The following BEGAIN variants were observed in gnomAD, a reference collection of about 807,000 sequenced individuals.
BEGAIN encodes brain enriched guanylate kinase associated, also known as brain-enriched guanylate kinase-associated protein.
In BEGAIN, 19 loss-of-function variants were observed where a neutral mutation model predicts 35.8. That is an observed-to-expected ratio of 0.53 (90% CI 0.37 to 0.78). The LOEUF is 0.78. BEGAIN is among the 30% of genes least tolerant of loss of function. The probability of loss-of-function intolerance (pLI) is 0.00; values close to 1 mark genes in which losing one functional copy is unlikely to be tolerated. For synonymous variants in BEGAIN, 462 were observed against 388.6 expected (o/e 1.19, Z -2.22); for missense variants, 795 against 853.6 (o/e 0.93, Z 0.85).
At position 100,538,788 on chromosome 14, in the gene BEGAIN, C is replaced by A; in HGVS notation, c.1020G>T (p.Ser340=). ...GGCTGTTCAGGTAGATGGCCTGCTG[C>A]GACGCGGTCAGCGTGCTGGCCTGCG... is the stretch of plus-strand genomic sequence containing the variant. ...EHAQASTLTA[S]QQAIYLNSRD... The change falls in exon 7 of 7, where the codon TCG becomes TCT. Residue 340 remains serine (S), a synonymous_variant. Coordinates refer to ENST00000554140, the MANE Select transcript of BEGAIN (RefSeq NM_001385089.1). 6.3e-7 allele frequency: 1 copy of A among 1,595,266 alleles called. No individual in the cohort carries two copies. The highest frequency in any genetic ancestry group is 8.5e-7 in the Non-Finnish European group (1 of 1,172,768).
chr14:100,550,590 G>A (rs554791105), intron 2 of BEGAIN: 6 of 398,348 alleles, frequency 1.5e-5, no homozygotes, highest in Admixed American at 4.4e-5. Context: ...ACCATCAGGG[G>A]CACAGCCACA....
At chr14:100,570,961 G>A (rs1207139181) in intron 1 of BEGAIN, among the ~76,000 whole-genome samples, 4 of 152,168 alleles carry the variant, frequency 2.6e-5, no homozygotes, top group South Asian at 2.1e-4. Flanking sequence ...GTGGGTGGGG[G>A]CCATGAGGAT....
intron 2 of BEGAIN, chr14:100,548,490 C>T (rs1020740785): frequency 2.0e-5 from 3 of 152,618 alleles, no homozygotes; most frequent in African/African-American, 7.2e-5. Context: ...CCACCTCAGC[C>T]CCGAGTCCTC....
intron 2 of BEGAIN, among the ~76,000 whole-genome samples, chr14:100,560,796 T>C (rs11160593): frequency 0.96 from 146,547 of 152,272 alleles, 70,782 homozygotes; most frequent in Non-Finnish European, 1. Context: ...GCATCCCCTG[T>C]CCCATCTCCT....
intron 1 of BEGAIN, among the ~76,000 whole-genome samples, chr14:100,582,194 G>A (rs2035332291): frequency 6.6e-6 from 1 of 152,132 alleles, no homozygotes; most frequent in Non-Finnish European, 1.5e-5. Flanking sequence ...TGCCAGGCTA[G>A]AGTGCAGTGG....
intron 2 of BEGAIN, among the ~76,000 whole-genome samples, chr14:100,559,943 G>A (rs2034090532): frequency 6.6e-6 from 1 of 152,242 alleles, no homozygotes; most frequent in African/African-American, 2.4e-5. Context: ...GGTCACTGGT[G>A]GCATCTGCCC....
rs2035447231 is a variant in BEGAIN at position 100,586,467 on chromosome 14, C to G, written c.42+782G>C. 6.6e-6 allele frequency among the ~76,000 whole-genome samples: 1 copy of G among 152,174 alleles called. No individual in the cohort carries two copies. Among genetic ancestry groups the G allele is most frequent in the Admixed American group, 6.5e-5 (1 of 15,282 alleles). On this transcript the variant is annotated intron_variant, in intron 1 of 6. Transcript: ENST00000554140. The surrounding 1 kb of genome is among the most constrained non-coding windows in gnomAD (Gnocchi z 4.9). ...GGCTCAGGAGACTCCAGCGCGTCGCCCACGCTGTTCCTGCCCTGAGGAAAC... is the reference window on the plus strand; with the variant it reads ...GGCTCAGGAGACTCCAGCGCGTCGCGCACGCTGTTCCTGCCCTGAGGAAAC...
At position 100,567,838 on chromosome 14, in the gene BEGAIN, C is replaced by A; in HGVS notation, c.71+73G>T. 6 of 1,395,622 alleles carry A rather than the reference C, an allele frequency of 4.3e-6. No individual in the cohort carries two copies. The South Asian group carries it at 6.5e-5, about 15-fold the overall frequency. The allele number at this position is 1,395,622 out of a possible 1,614,324, so 86.5% of individuals were successfully genotyped here. ...GGATGCGCTCGGGTGGAGCCCCCTTCCCCCGCCTTCCCCAGCGCCCTCACC... is the reference window on the plus strand; with the variant it reads ...GGATGCGCTCGGGTGGAGCCCCCTTACCCCGCCTTCCCCAGCGCCCTCACC... On this transcript the variant is annotated intron_variant, in intron 2 of 6. Transcript: ENST00000554140. This position sits in a 1 kb window ranked among gnomAD's most constrained non-coding sequence, Gnocchi z 5.1.
rs1450666526 is a variant in BEGAIN at position 100,571,227 on chromosome 14, C to T, written c.43-3288G>A. On this transcript the variant is annotated intron_variant, in intron 1 of 6. Coordinates refer to ENST00000554140, the MANE Select transcript of BEGAIN (RefSeq NM_001385089.1). ...CCAGCCCAGCAGCCACCTTTATCTT[C>T]TGACCCCTCACAGGAGCCCTGCCTG... is the stretch of plus-strand genomic sequence containing the variant. Among the ~76,000 whole-genome samples the T allele has an allele frequency of 2.0e-5, 3 of 152,206 alleles. No individual in the cohort carries two copies. In the South Asian group the frequency reaches 6.2e-4, roughly 31 times the overall value.
At chr14:100,542,356 C>T (rs1349671250) in intron 5 of BEGAIN, among the ~76,000 whole-genome samples, 1 of 152,270 alleles carries the variant, frequency 6.6e-6, no homozygotes, top group Non-Finnish European at 1.5e-5. Flanking sequence ...CCCCAGCCTA[C>T]TGGCCACTCC....
At chr14:100,574,132 G>A (rs1218000689) in intron 1 of BEGAIN, among the ~76,000 whole-genome samples, 1 of 152,218 alleles carries the variant, frequency 6.6e-6, no homozygotes, top group East Asian at 1.9e-4. Context: ...ACGTGGTGGG[G>A]TTCCCCAGAG....
rs1240027994 is a variant in BEGAIN, at chr14:100,543,872, G to A, written c.394C>T (p.Leu132=). Residue 132 remains leucine, a synonymous_variant, in exon 5 of 7, where the codon CTG becomes TTG. Coordinates refer to ENST00000554140, the MANE Select transcript of BEGAIN (RefSeq NM_001385089.1). ...GCGGCACTCACGTTGTCCTCTGACA[G>A]CTTGTCGATGGTCACCTTGGCTTCT... ...LLEAKVTIDK[L]SEDNELYRKD... is the part of the protein sequence containing the mutation. The A allele has an allele frequency of 3.7e-6, 6 of 1,613,420 alleles. No individual in the cohort carries two copies. The highest frequency in any genetic ancestry group is 5.1e-6 in the Non-Finnish European group (6 of 1,179,734).
rs372596125 is a variant in BEGAIN at position 100,538,002 on chromosome 14, G to A, written c.1806C>T (p.Thr602=). 6.2e-7 allele frequency: 1 copy of A among 1,609,734 alleles called. No individual in the cohort carries two copies. Among genetic ancestry groups the A allele is most frequent in the South Asian group, 1.1e-5 (1 of 90,698 alleles). Residue 602 remains threonine (T), a synonymous_variant, in exon 7 of 7, where the codon ACC becomes ACT. Transcript: ENST00000554140. ...GSGLSRKDSL[T]KAQLYGTLLN ...GCAAGGTTCCGTAGAGCTGGGCCTT[G>A]GTGAGGCTGTCCTTGCGGCTCAGCC...
In BEGAIN at chr14:100,568,216, G is replaced by A. The variant is rs1195235706; in HGVS notation, c.43-277C>T. ...CGGGGCGAAGAAGGGGCCGGCCCGGGATGGCCCGGCCAGGGGCGATCTCGG... is the reference window on the plus strand; with the variant it reads ...CGGGGCGAAGAAGGGGCCGGCCCGGAATGGCCCGGCCAGGGGCGATCTCGG... On this transcript the variant is annotated intron_variant, in intron 1 of 6. Transcript: ENST00000554140. The surrounding 1 kb of genome is among the most constrained non-coding windows in gnomAD (Gnocchi z 7.5). 3.0e-6 allele frequency: 2 copies of A among 659,078 alleles called. No individual in the cohort carries two copies. Among genetic ancestry groups the A allele is most frequent in the East Asian group, 1.3e-4 (1 of 7,634 alleles). 40.8% of individuals were successfully genotyped at this position (659,078 alleles called of 1,614,324 possible). A position where few individuals can be genotyped will look rare whatever the true frequency, so the allele number is the denominator to read the frequency against.
At position 100,556,562 on chromosome 14, in the gene BEGAIN, C is replaced by G. The variant is rs538490646; in HGVS notation, c.72-9900G>C. Among the ~76,000 whole-genome samples the G allele has an allele frequency of 2.6e-5, 4 of 152,310 alleles. No homozygotes were observed. In the South Asian group the frequency reaches 8.3e-4, roughly 32 times the overall value. ...GAACTTTGGTTCACTCTGTTCACCC[C>G]CTCCAGGAAGGGCTCCCTGACATCC... On this transcript the variant is annotated intron_variant, in intron 2 of 6. Coordinates refer to ENST00000554140, the MANE Select transcript of BEGAIN (RefSeq NM_001385089.1).
At chr14:100,584,922 G>A (rs996726746) in intron 1 of BEGAIN, among the ~76,000 whole-genome samples, 2 of 152,134 alleles carry the variant, frequency 1.3e-5, no homozygotes, top group African/African-American at 4.8e-5. Context: ...CTGTCCCAGG[G>A]ATCCTTACCT....
rs576933277 is a variant in BEGAIN, at chr14:100,568,621, C to G, written c.43-682G>C. 454 of 889,588 alleles carry G rather than the reference C, an allele frequency of 5.1e-4. 4 individuals carry two copies. In the South Asian group the frequency reaches 6.7e-3, roughly 13 times the overall value. 55.1% of individuals were successfully genotyped at this position (889,588 alleles called of 1,614,324 possible). ...CTTGCGCAGACCCGCCCGCGCGCGGCTTGGAGACCCTCCCTGCCCAGCCCC... is the reference window on the plus strand; with the variant it reads ...CTTGCGCAGACCCGCCCGCGCGCGGGTTGGAGACCCTCCCTGCCCAGCCCC... On this transcript the variant is annotated intron_variant, in intron 1 of 6. Transcript: ENST00000554140. This position sits in a 1 kb window ranked among gnomAD's most constrained non-coding sequence, Gnocchi z 7.5.
intron 2 of BEGAIN, chr14:100,549,066 TC>T: frequency 6.6e-6 from 1 of 152,370 alleles, no homozygotes; most frequent in South Asian, 2.1e-4. Flanking sequence ...ACGCACCCCG[TC>T]CCCAGGCATA....
At chr14:100,561,874 C>T (rs551525392) in intron 2 of BEGAIN, among the ~76,000 whole-genome samples, 24 of 152,060 alleles carry the variant, frequency 1.6e-4, no homozygotes, top group Admixed American at 3.9e-4. Flanking sequence ...GACAAAGGCA[C>T]CCTGGCCCCA....
Sources: allele counts gnomAD v4.1 joint callset (sites outside exome capture counted in the v4.1 genomes callset), GRCh38; gene constraint gnomAD v4.1.1; non-coding constraint Gnocchi (gnomAD v3.1); transcripts MANE v1.5; gene names NCBI Gene and HGNC (gene_info 2026-07-23, HGNC 2026-07-21).